The following VAV1 variants were observed in gnomAD, a reference collection of about 807,000 sequenced individuals.
VAV1 encodes vav guanine nucleotide exchange factor 1, also known as proto-oncogene vav.
In VAV1, 33 loss-of-function variants were observed where a neutral mutation model predicts 128.1. That is an observed-to-expected ratio of 0.26 (90% CI 0.20 to 0.34). The LOEUF is 0.34. Among genes scored for constraint, VAV1 ranks in the 10% least tolerant of loss-of-function variants. The pLI, the probability that VAV1 is intolerant of heterozygous loss-of-function variation, is 1.00. For synonymous variants in VAV1, 394 were observed against 409.8 expected (o/e 0.96, Z 0.47); for missense variants, 715 against 1,093.7 (o/e 0.65, Z 4.88).
intron 1 of VAV1, among the ~76,000 whole-genome samples, chr19:6,779,632 G>A (rs1208755754): frequency 6.7e-5 from 10 of 149,894 alleles, no homozygotes; most frequent in Non-Finnish European, 7.5e-5. Context: ...AGGCCGAGGC[G>A]GGAGGATTGC....
chr19:6,820,955 C>T lies in VAV1; in HGVS notation c.321+137C>T. The T allele has an allele frequency of 7.6e-6, 6 of 784,346 alleles. No homozygotes were observed. Among genetic ancestry groups the T allele is most frequent in the Non-Finnish European group, 1.3e-5 (6 of 465,372 alleles). 48.6% of individuals were successfully genotyped at this position (784,346 alleles called of 1,614,324 possible). ...ATATACAAGACGCAAATAGCACTGG[C>T]TTGGGATATGTGGAACTGGGTTTGA... On this transcript the variant is annotated intron_variant, in intron 2 of 26. Coordinates refer to ENST00000602142, the MANE Select transcript of VAV1 (RefSeq NM_005428.4). The surrounding 1 kb of genome is among the most constrained non-coding windows in gnomAD (Gnocchi z 4.4).
At chr19:6,778,539 G>A (rs1397722805) in intron 1 of VAV1, among the ~76,000 whole-genome samples, 1 of 152,118 alleles carries the variant, frequency 6.6e-6, no homozygotes, top group African/African-American at 2.4e-5. Context: ...TCACCTCTCT[G>A]AGCTTCAGTT....
Position 6,826,902 on chromosome 19 carries a change from T to A in VAV1, c.927+191T>A, listed in dbSNP as rs1169543047. On this transcript the variant is annotated intron_variant, in intron 9 of 26. Transcript: ENST00000602142. This position sits in a 1 kb window ranked among gnomAD's most constrained non-coding sequence, Gnocchi z 4.1. Reference sequence around the variant, plus strand: ...GAGAAGAACAGAAATGGGCTGGCCCTGGGTCTGGGCTGACCCCTGATATCA... The same window carrying A: ...GAGAAGAACAGAAATGGGCTGGCCCAGGGTCTGGGCTGACCCCTGATATCA... 1 of 612,086 alleles carries A rather than the reference T, an allele frequency of 1.6e-6. No homozygotes were observed. 37.9% of individuals were successfully genotyped at this position (612,086 alleles called of 1,614,324 possible). A position where few individuals can be genotyped will look rare whatever the true frequency, so the allele number is the denominator to read the frequency against.
chr19:6,814,661 TTCCTTCCTTC>T (rs1568299106), intron 1 of VAV1, among the ~76,000 whole-genome samples: 153 of 74,356 alleles, frequency 2.1e-3, no homozygotes, highest in African/African-American at 0.012. Context: ...CCTTCCTTCC[TTCCTTCCTTC>T]CTTTCTTTCT....
At chr19:6,779,028 C>T (rs184737403) in intron 1 of VAV1, among the ~76,000 whole-genome samples, 7 of 145,998 alleles carry the variant, frequency 4.8e-5, no homozygotes, top group Non-Finnish European at 9.0e-5. Context: ...AGGTGTGCAC[C>T]GGCATACCTG....
chr19:6,802,280 T>C (rs1215726159), intron 1 of VAV1, among the ~76,000 whole-genome samples: 1 of 151,996 alleles, frequency 6.6e-6, no homozygotes, highest in Non-Finnish European at 1.5e-5. Flanking sequence ...ACATGACACA[T>C]GTATACATAT....
At chr19:6,795,676 C>CTTGTTTGT (rs540873430) in intron 1 of VAV1, among the ~76,000 whole-genome samples, 3 of 151,646 alleles carry the variant, frequency 2.0e-5, no homozygotes, top group African/African-American at 7.3e-5. Context: ...ACTCTTTTTG[C>CTTGTTTGT]TTGTTTGTTT....
At chr19:6,834,943 A>C (rs1332390698) in intron 19 of VAV1, among the ~76,000 whole-genome samples, 1 of 151,628 alleles carries the variant, frequency 6.6e-6, no homozygotes, top group Non-Finnish European at 1.5e-5. Context: ...ATTTTTAAAA[A>C]TTAGCGGGGT....
intron 1 of VAV1, among the ~76,000 whole-genome samples, chr19:6,775,543 TC>T (rs781603027): frequency 2.0e-5 from 3 of 152,138 alleles, no homozygotes; most frequent in Non-Finnish European, 2.9e-5. Context: ...TAGGAGTTTT[TC>T]TCATTGTTCT....
chr19:6,816,957 C>A (rs1451071538), intron 1 of VAV1, among the ~76,000 whole-genome samples: 1 of 151,972 alleles, frequency 6.6e-6, no homozygotes, highest in East Asian at 1.9e-4. Context: ...GAGCAAGACT[C>A]CATCTCAAAA....
chr19:6,824,576 G>A (rs901959270), intron 6 of VAV1, among the ~76,000 whole-genome samples: 2 of 151,902 alleles, frequency 1.3e-5, no homozygotes, highest in Non-Finnish European at 2.9e-5. Context: ...CTGTCACCCA[G>A]GCTGGAGTGC....
chr19:6,805,636 TGGG>T (rs1002470689), intron 1 of VAV1, among the ~76,000 whole-genome samples: 3 of 114,880 alleles, frequency 2.6e-5, no homozygotes, highest in African/African-American at 5.6e-5. Context: ...ACACATGAGT[TGGG>T]GGGATGGTTT....
chr19:6,833,193 C>A lies in VAV1; in HGVS notation c.1518C>A (p.Ile506=). ...AATTTTCCCCTGCCAGCTCCAACAT[C>A]TATCCGGAGAATGCCACCGCCAACG... is the stretch of plus-strand genomic sequence containing the variant. ...MEQFEMAISN[I]YPENATANGH... is the part of the protein sequence containing the mutation. The change falls in exon 16 of 27, where the codon ATC becomes ATA. Residue 506 remains isoleucine, a synonymous_variant. Transcript: ENST00000602142. 6.2e-7 allele frequency: 1 copy of A among 1,604,118 alleles called. No homozygotes were observed. Among genetic ancestry groups the A allele is most frequent in the Non-Finnish European group, 8.5e-7 (1 of 1,176,212 alleles).
At chr19:6,853,766 C>T (rs149801768) in intron 25 of VAV1, among the ~76,000 whole-genome samples, 181 bp from the exon 26 acceptor site, 2,147 of 151,686 alleles carry the variant, frequency 0.014, 55 homozygotes, top group African/African-American at 0.049. Context: ...TAAATTCAGA[C>T]GGGAGGATGA....
chr19:6,803,308 T>A (rs753544009), intron 1 of VAV1, among the ~76,000 whole-genome samples: 1 of 152,212 alleles, frequency 6.6e-6, no homozygotes, highest in African/African-American at 2.4e-5. Context: ...ATTATGCAAA[T>A]TTCTAGGAAA....
intron 1 of VAV1, among the ~76,000 whole-genome samples, chr19:6,804,306 G>A (rs1396980731): frequency 3.3e-5 from 5 of 151,824 alleles, no homozygotes; most frequent in African/African-American, 4.8e-5. Flanking sequence ...TAGGGTAGAC[G>A]AAAACAGCTT....
Position 6,826,771 on chromosome 19 carries a change from C to G in VAV1, c.927+60C>G. 7.5e-7 allele frequency: 1 copy of G among 1,333,682 alleles called. No individual in the cohort carries two copies. The highest frequency in any genetic ancestry group is 1.0e-6 in the Non-Finnish European group (1 of 963,132). The allele number at this position is 1,333,682 out of a possible 1,614,324, so 82.6% of individuals were successfully genotyped here. A position where few individuals can be genotyped will look rare whatever the true frequency, so the allele number is the denominator to read the frequency against. ...GCTCCTCCCCAGGCCCTGGGGGCAG[C>G]AGGGAGGACACTGAGTTGCAGATGG... On this transcript the variant is annotated intron_variant, in intron 9 of 26. Transcript: ENST00000602142. The surrounding 1 kb of genome is among the most constrained non-coding windows in gnomAD (Gnocchi z 4.1).
intron 1 of VAV1, among the ~76,000 whole-genome samples, chr19:6,810,577 C>T (rs897531691): frequency 5.3e-5 from 8 of 151,606 alleles, no homozygotes; most frequent in African/African-American, 1.2e-4. Context: ...TGGTGGCGGG[C>T]GCCTGTAATC....
intron 2 of VAV1, 55 bp from the exon 3 acceptor site, chr19:6,821,567 G>A: frequency 1.2e-6 from 2 of 1,606,078 alleles, no homozygotes; most frequent in East Asian, 2.2e-5. Context: ...TGGAAGCTGT[G>A]TTCTGCCGTG....
Sources: gnomAD v4.1 joint callset for allele counts (sites outside exome capture counted in the v4.1 genomes callset) on GRCh38, gnomAD v4.1.1 for gene constraint, Gnocchi (gnomAD v3.1) non-coding constraint, MANE v1.5 for transcripts, NCBI Gene and HGNC (gene_info 2026-07-23, HGNC 2026-07-21) for gene names.